Variants in FER observed in about 807,000 individuals in gnomAD.
FER encodes FER tyrosine kinase.
Under a neutral mutation model 111.0 loss-of-function variants are expected in FER, and 63 were observed. The observed-to-expected ratio is 0.57, with a 90% confidence interval of 0.46 to 0.70. The LOEUF (loss-of-function observed/expected upper bound fraction) is 0.70, where lower values mean the gene tolerates loss of function less well. FER is among the 30% of genes least tolerant of loss of function. FER has a pLI of 0.00. For synonymous variants in FER, 327 were observed against 313.9 expected, an observed-to-expected ratio of 1.04 and a Z score of -0.44; for missense variants, 914 against 954.0, an observed-to-expected ratio of 0.96 and a Z score of 0.55.
At chr5:109,090,053 T>C (rs774130161) in intron 16 of FER, among the ~76,000 whole-genome samples, 5 of 152,118 alleles carry the variant, frequency 3.3e-5, no homozygotes, top group Non-Finnish European at 7.4e-5. Context: ...ATTCTGGTTT[T>C]TTGGAGGTCT....
chr5:108,882,817 T>A (rs1455745753), intron 8 of FER, among the ~76,000 whole-genome samples: 2 of 151,866 alleles, frequency 1.3e-5, no homozygotes, highest in Non-Finnish European at 2.9e-5. Context: ...TATACAAACA[T>A]AAATTATCTG....
intron 3 of FER, among the ~76,000 whole-genome samples, chr5:108,814,804 A>G (rs1758116332): frequency 6.6e-6 from 1 of 152,092 alleles, no homozygotes; most frequent in African/African-American, 2.4e-5. Context: ...TGTTATTTAT[A>G]GTTATTTTGA....
chr5:108,948,534 T>G (rs1757312393), intron 11 of FER, among the ~76,000 whole-genome samples: 2 of 152,080 alleles, frequency 1.3e-5, no homozygotes, highest in Admixed American at 1.3e-4. Context: ...AATTTTGCAT[T>G]GAGAACTATT....
intron 13 of FER, among the ~76,000 whole-genome samples, chr5:108,974,446 T>C (rs1426370460): frequency 6.6e-6 from 1 of 152,192 alleles, no homozygotes; most frequent in Non-Finnish European, 1.5e-5. Context: ...TTTGAAGAAC[T>C]ATTTGAAGGA....
At chr5:108,776,301 C>T (rs1753482471) in intron 2 of FER, among the ~76,000 whole-genome samples, 2 of 151,938 alleles carry the variant, frequency 1.3e-5, no homozygotes, top group South Asian at 4.1e-4. Context: ...AGTTGAATCT[C>T]TATATCAATG....
At chr5:108,862,447 G>A (rs1274161092) in intron 5 of FER, among the ~76,000 whole-genome samples, 1 of 152,082 alleles carries the variant, frequency 6.6e-6, no homozygotes, top group Admixed American at 6.5e-5. Context: ...CAGATGGGTG[G>A]TTTAAATGGT....
chr5:108,903,130 G>A (rs1750277467), intron 10 of FER, among the ~76,000 whole-genome samples: 1 of 152,050 alleles, frequency 6.6e-6, no homozygotes, highest in Non-Finnish European at 1.5e-5. Flanking sequence ...TGTCAGATAT[G>A]TCTAGAATTT....
intron 13 of FER, among the ~76,000 whole-genome samples, chr5:108,963,699 ATTAGAG>A (rs994664975): frequency 6.6e-6 from 1 of 152,178 alleles, no homozygotes; most frequent in Non-Finnish European, 1.5e-5. Flanking sequence ...TTGTCAGAAT[ATTAGAG>A]TTAGATTTGT....
At chr5:109,056,402 A>G (rs1773653197) in intron 16 of FER, among the ~76,000 whole-genome samples, 1 of 152,230 alleles carries the variant, frequency 6.6e-6, no homozygotes, top group Admixed American at 6.5e-5. Context: ...AAAAGGAGCA[A>G]GATCTGACCA....
intron 10 of FER, among the ~76,000 whole-genome samples, chr5:108,914,133 C>T (rs1420277478): frequency 6.6e-6 from 1 of 152,006 alleles, no homozygotes; most frequent in Non-Finnish European, 1.5e-5. Context: ...GATTTGTAAA[C>T]TTTGCTATAT....
chr5:108,899,033 T>C (rs1749606248), intron 10 of FER, among the ~76,000 whole-genome samples: 1 of 151,798 alleles, frequency 6.6e-6, no homozygotes, highest in Non-Finnish European at 1.5e-5. Context: ...ACTTTTTACT[T>C]TATGTTGTTC....
At chr5:108,939,706 A>C (rs1037115583) in intron 10 of FER, among the ~76,000 whole-genome samples, 2 of 151,964 alleles carry the variant, frequency 1.3e-5, no homozygotes, top group Non-Finnish European at 2.9e-5. Flanking sequence ...ATCTTTCTTT[A>C]TTTAAAAATT....
intron 10 of FER, among the ~76,000 whole-genome samples, chr5:108,899,310 T>C (rs1265645231): frequency 6.6e-6 from 1 of 152,190 alleles, no homozygotes; most frequent in African/African-American, 2.4e-5. Context: ...TCTCAGCACA[T>C]GTACCAAGGA....
chr5:108,974,275 A>G (rs917480716), intron 13 of FER, among the ~76,000 whole-genome samples: 24 of 152,264 alleles, frequency 1.6e-4, no homozygotes, highest in African/African-American at 5.8e-4. Context: ...GAGGAATTTT[A>G]TGGTATTTTA....
intron 17 of FER, among the ~76,000 whole-genome samples, chr5:109,113,839 A>C (rs577789556): frequency 7.9e-5 from 12 of 152,192 alleles, no homozygotes; most frequent in Admixed American, 1.3e-4. Context: ...TGGAAAAAGT[A>C]AATTTCCCTA....
At position 109,059,913 on chromosome 5, in the gene FER, A is replaced by G. The variant is rs577910462; in HGVS notation, c.1924+12715A>G. Reference sequence around the variant, plus strand: ...TAGAAGCATCATTTATAATTGCCCAAAAGTAGAACCCAAATGTCCATCAGC... The same window carrying G: ...TAGAAGCATCATTTATAATTGCCCAGAAGTAGAACCCAAATGTCCATCAGC... On this transcript the variant is annotated intron_variant, in intron 16 of 19. Transcript: ENST00000281092. Among the ~76,000 whole-genome samples the G allele has an allele frequency of 7.2e-5, 11 of 152,336 alleles. No homozygotes were observed. The East Asian group carries it at 1.7e-3, about 24-fold the overall frequency.
At chr5:109,012,602 T>G (rs1243640574) in intron 13 of FER, among the ~76,000 whole-genome samples, 2 of 152,228 alleles carry the variant, frequency 1.3e-5, no homozygotes, top group African/African-American at 4.8e-5. Flanking sequence ...GAGACCTGTG[T>G]GGTATCATTG....
intron 16 of FER, among the ~76,000 whole-genome samples, chr5:109,082,508 C>G (rs1351583975): frequency 6.6e-6 from 1 of 151,990 alleles, no homozygotes; most frequent in Non-Finnish European, 1.5e-5. Context: ...TCAATTAATA[C>G]TTACATTATT....
intron 10 of FER, among the ~76,000 whole-genome samples, chr5:108,898,797 C>A (rs1006916905): frequency 1.3e-5 from 2 of 151,626 alleles, no homozygotes; most frequent in African/African-American, 4.9e-5. Context: ...GGTAGTATCA[C>A]CAGACACTGT....
Sources: gnomAD v4.1 joint callset for allele counts (sites outside exome capture counted in the v4.1 genomes callset) on GRCh38, gnomAD v4.1.1 for gene constraint, MANE v1.5 for transcripts, NCBI Gene and HGNC (gene_info 2026-07-23, HGNC 2026-07-21) for gene names.